The following OPA3 variants were observed in gnomAD, a reference collection of about 807,000 sequenced individuals.
The protein encoded by OPA3 is optic atrophy 3 protein.
Under a neutral mutation model 4.0 loss-of-function variants are expected in OPA3, and 6 were observed. That is an observed-to-expected ratio of 1.51 (90% confidence interval 0.83 to 2.99). The LOEUF (loss-of-function observed/expected upper bound fraction) is 2.99, where lower values mean the gene tolerates loss of function less well. Among genes scored for constraint, OPA3 ranks in the 30% most tolerant of loss-of-function variants. The pLI, the probability that OPA3 is intolerant of heterozygous loss-of-function variation, is 0.00. For missense variants in OPA3, 235 were observed against 256.2 expected, an observed-to-expected ratio of 0.92 and a Z score of 0.56; for synonymous variants, 105 against 117.1, an observed-to-expected ratio of 0.90 and a Z score of 0.67.
chr19:45,569,925 CA>C (rs542502780), intron 1 of OPA3, among the ~76,000 whole-genome samples: 2 of 151,948 alleles, frequency 1.3e-5, no homozygotes, highest in Non-Finnish European at 2.9e-5. Flanking sequence ...GAAAAGCCAG[CA>C]AAAAACACCC....
In OPA3 at chr19:45,551,746, G is replaced by C. The variant is rs1335114762; in HGVS notation, c.*1768C>G. The C allele has an allele frequency of 1.0e-6, 1 of 985,474 alleles. No individual in the cohort carries two copies. Among genetic ancestry groups the C allele is most frequent in the Non-Finnish European group, 1.2e-6 (1 of 830,052 alleles). 61.0% of individuals were successfully genotyped at this position (985,474 alleles called of 1,614,324 possible). ...AATTGGTAGGATGGGGGTGGGACCGGGGGCTATGGAGGCAGGAGGGTACTG... is the reference window on the plus strand; with the variant it reads ...AATTGGTAGGATGGGGGTGGGACCGCGGGCTATGGAGGCAGGAGGGTACTG... On this transcript the variant is annotated 3_prime_UTR_variant, in exon 2 of 2. Transcript: ENST00000263275.
chr19:45,567,145 C>T (rs906376781), intron 1 of OPA3, among the ~76,000 whole-genome samples: 1 of 151,954 alleles, frequency 6.6e-6, no homozygotes, highest in Non-Finnish European at 1.5e-5. Context: ...TTCAAGACCA[C>T]TATCGGCAAC....
chr19:45,543,464 G>T (rs1221852558), downstream of OPA3, among the ~76,000 whole-genome samples: 1 of 151,884 alleles, frequency 6.6e-6, no homozygotes, highest in East Asian at 1.9e-4. Flanking sequence ...GAGATTACAG[G>T]CACACGCCAC....
chr19:45,544,444 G>A (rs941808203), downstream of OPA3, among the ~76,000 whole-genome samples: 1 of 152,224 alleles, frequency 6.6e-6, no homozygotes, highest in South Asian at 2.1e-4. Flanking sequence ...CAGATCACCT[G>A]AGGTCGGGAG....
intron 1 of OPA3, among the ~76,000 whole-genome samples, chr19:45,538,186 T>A (rs538203725): frequency 6.6e-6 from 1 of 150,682 alleles, no homozygotes; most frequent in African/African-American, 2.4e-5. Context: ...ATCCCAGCAC[T>A]TTGGGAGATC....
chr19:45,583,097 CCAG>C (rs1969880051), intron 1 of OPA3, among the ~76,000 whole-genome samples: 1 of 152,066 alleles, frequency 6.6e-6, no homozygotes, highest in Admixed American at 6.6e-5. Flanking sequence ...GTTCTCTGAC[CCAG>C]CCAATGATGC....
chr19:45,569,613 G>A (rs1305925027), intron 1 of OPA3, among the ~76,000 whole-genome samples: 1 of 152,074 alleles, frequency 6.6e-6, no homozygotes, highest in African/African-American at 2.4e-5. Flanking sequence ...TACACCAAGG[G>A]GTGGGAGGTG....
At chr19:45,570,430 C>A (rs1028089594) in intron 1 of OPA3, among the ~76,000 whole-genome samples, 2 of 152,170 alleles carry the variant, frequency 1.3e-5, no homozygotes, top group Non-Finnish European at 2.9e-5. Flanking sequence ...TGCCTGTAAT[C>A]CCAGCACTTT....
At chr19:45,529,941 C>T (rs1378363438) in intron 1 of OPA3, among the ~76,000 whole-genome samples, 1 of 151,750 alleles carries the variant, frequency 6.6e-6, no homozygotes, top group East Asian at 2.0e-4. Context: ...CTTGCGTTGC[C>T]CAGGCTGGTC....
At chr19:45,582,046 C>A (rs932321358) in intron 1 of OPA3, among the ~76,000 whole-genome samples, 4 of 152,146 alleles carry the variant, frequency 2.6e-5, no homozygotes, top group Non-Finnish European at 4.4e-5. Context: ...ATCCACCCAC[C>A]TCGGCCTCCC....
chr19:45,577,763 C>T (rs1969790028), intron 1 of OPA3, among the ~76,000 whole-genome samples: 1 of 152,062 alleles, frequency 6.6e-6, no homozygotes, highest in African/African-American at 2.4e-5. Context: ...TAGGAGGCAC[C>T]TCGAGTCTGT....
chr19:45,529,118 C>A (rs1445523438), exon 2 of OPA3: 1 of 1,606,504 alleles, frequency 6.2e-7, no homozygotes, highest in Non-Finnish European at 8.5e-7. Flanking sequence ...CAGAGGTGGG[C>A]TCGCACCTCC....
In OPA3 at chr19:45,551,615, G is replaced by A. The variant is rs1969334488; in HGVS notation, c.*1899C>T. On this transcript the variant is annotated 3_prime_UTR_variant, in exon 2 of 2. Transcript: ENST00000263275. Reference sequence around the variant, plus strand: ...AGACTTCTGGACTCCAGAACTGTGTGAATTAAATTCCTGTTGGACTTAAGC... The same window carrying A: ...AGACTTCTGGACTCCAGAACTGTGTAAATTAAATTCCTGTTGGACTTAAGC... 2 of 736,118 alleles carry A rather than the reference G, an allele frequency of 2.7e-6. No individual in the cohort carries two copies. Among genetic ancestry groups the A allele is most frequent in the Admixed American group, 6.3e-5 (1 of 15,898 alleles). The allele number at this position is 736,118 out of a possible 1,614,324, so 45.6% of individuals were successfully genotyped here.
intron 1 of OPA3, among the ~76,000 whole-genome samples, chr19:45,572,735 CTA>C (rs370459129): frequency 5.5e-4 from 74 of 134,734 alleles, no homozygotes; most frequent in Admixed American, 1.0e-3. Flanking sequence ...ATATATCATA[CTA>C]TATATATAGA....
At chr19:45,543,771 TA>T (rs1171199551), downstream of OPA3, among the ~76,000 whole-genome samples, 1 of 152,174 alleles carries the variant, frequency 6.6e-6, no homozygotes, top group African/African-American at 2.4e-5. Flanking sequence ...TGGCCAACGT[TA>T]CTATTTTAGG....
chr19:45,583,940 G>A (rs1479456761), intron 1 of OPA3, among the ~76,000 whole-genome samples: 1 of 152,218 alleles, frequency 6.6e-6, no homozygotes, highest in East Asian at 1.9e-4. Context: ...TGATGGATCA[G>A]GAGTATATCT....
intron 1 of OPA3, among the ~76,000 whole-genome samples, chr19:45,577,412 G>T (rs2122509136): frequency 6.6e-6 from 1 of 152,320 alleles, no homozygotes; most frequent in South Asian, 2.1e-4. Flanking sequence ...GGGGGCCACA[G>T]CAAAGGGCAA....
chr19:45,536,547 T>TAAA, intron 1 of OPA3, among the ~76,000 whole-genome samples: 1 of 98,298 alleles, frequency 1.0e-5, no homozygotes, highest in Admixed American at 1.1e-4. Flanking sequence ...AAACTCTGTC[T>TAAA]CAAAAAAAAA....
At chr19:45,528,810 G>C (rs1969023333) in exon 2 of OPA3, 2 of 483,842 alleles carry the variant, frequency 4.1e-6, no homozygotes, top group Non-Finnish European at 7.2e-6. Context: ...GGGCGGGGTG[G>C]GATAGGGCGG....
Sources: gnomAD v4.1 joint callset for allele counts (sites outside exome capture counted in the v4.1 genomes callset) on GRCh38, gnomAD v4.1.1 for gene constraint, MANE v1.5 for transcripts, NCBI Gene and HGNC (gene_info 2026-07-23, HGNC 2026-07-21) for gene names.